Variants in TENM3 observed in about 807,000 individuals in gnomAD.
The protein encoded by TENM3 is teneurin transmembrane protein 3.
TENM3 carries 63 observed loss-of-function variants against 255.1 expected under a neutral mutation model. That is an observed-to-expected ratio of 0.25 (90% CI 0.20 to 0.30). The LOEUF (loss-of-function observed/expected upper bound fraction) is 0.30, where lower values mean the gene tolerates loss of function less well. Ranked by LOEUF, TENM3 falls within the 10% of genes least tolerant of loss-of-function variation. TENM3 has a pLI of 1.00. For synonymous variants in TENM3, 1,306 were observed against 1,322.3 expected (o/e 0.99, Z 0.27); for missense variants, 2,929 against 3,461.1 (o/e 0.85, Z 3.86).
the TENM3 span, among the ~76,000 whole-genome samples, chr4:181,834,280 ATGTT>A: frequency 1.3e-5 from 2 of 152,140 alleles, no homozygotes; most frequent in African/African-American, 4.8e-5. Context: ...ATTTTGTGTC[ATGTT>A]TGTTTGTTTT....
intron 6 of TENM3, among the ~76,000 whole-genome samples, chr4:182,657,743 T>C (rs935569376): frequency 6.6e-6 from 1 of 152,146 alleles, no homozygotes; most frequent in Admixed American, 6.5e-5. Context: ...ACTGCAGCCT[T>C]GACCTCCTGG....
At chr4:182,220,400 A>AAAAAAAAAAC in intron 1 of TENM3, among the ~76,000 whole-genome samples, 1 of 147,040 alleles carries the variant, frequency 6.8e-6, no homozygotes, top group Non-Finnish European at 1.5e-5. Context: ...AAAAAAAAAA[A>AAAAAAAAAAC]AAGTCGGCTT....
At chr4:181,461,193 G>A in the TENM3 span, among the ~76,000 whole-genome samples, 94,544 of 151,752 alleles carry the variant, frequency 0.62, 30,155 homozygotes, top group African/African-American at 0.73. Context: ...GGATAGAAAG[G>A]TCTTGCTTCT....
the TENM3 span, among the ~76,000 whole-genome samples, chr4:181,968,154 AC>A: frequency 6.6e-6 from 1 of 152,114 alleles, no homozygotes; most frequent in Non-Finnish European, 1.5e-5. Context: ...ATATTCAGCC[AC>A]TTCACTTGCC....
chr4:182,311,252 T>G (rs1220029012), intron 1 of TENM3, among the ~76,000 whole-genome samples: 1 of 152,258 alleles, frequency 6.6e-6, no homozygotes, highest in Non-Finnish European at 1.5e-5. Flanking sequence ...TACACCTTTC[T>G]TACTCCTGAG....
the TENM3 span, among the ~76,000 whole-genome samples, chr4:181,901,993 A>G: frequency 1.3e-5 from 2 of 152,152 alleles, no homozygotes; most frequent in Non-Finnish European, 2.9e-5. Context: ...AGCACATTAC[A>G]GGACTGGATA....
the TENM3 span, among the ~76,000 whole-genome samples, chr4:182,118,573 C>A: frequency 6.7e-6 from 1 of 148,274 alleles, no homozygotes; most frequent in Non-Finnish European, 1.5e-5. Flanking sequence ...GAGCCTGTAA[C>A]TGTGCCAGCT....
At chr4:182,290,481 G>T (rs564638772) in intron 1 of TENM3, among the ~76,000 whole-genome samples, 1 of 152,128 alleles carries the variant, frequency 6.6e-6, no homozygotes, top group Non-Finnish European at 1.5e-5. Context: ...ATGGCTTTAC[G>T]TCCCTAAAAA....
intron 1 of TENM3, among the ~76,000 whole-genome samples, chr4:182,164,763 G>A (rs1278987393): frequency 1.3e-5 from 2 of 152,082 alleles, no homozygotes; most frequent in Admixed American, 6.6e-5. Context: ...ATATTTATTG[G>A]TTGAATGAGC....
intron 5 of TENM3, among the ~76,000 whole-genome samples, chr4:182,651,456 C>G (rs533968750): frequency 6.6e-6 from 1 of 151,982 alleles, no homozygotes; most frequent in Admixed American, 6.6e-5. Flanking sequence ...TTTGGGAGGC[C>G]GAGGCATGCG....
At chr4:181,519,272 C>T in the TENM3 span, among the ~76,000 whole-genome samples, 5 of 152,116 alleles carry the variant, frequency 3.3e-5, no homozygotes, top group Non-Finnish European at 5.9e-5. Context: ...GTGTGGTGCT[C>T]TGTGTTTTAA....
At chr4:181,836,183 G>GCACACA in the TENM3 span, among the ~76,000 whole-genome samples, 19,945 of 148,516 alleles carry the variant, frequency 0.13, 1,808 homozygotes, top group East Asian at 0.5. Context: ...ATACACACAT[G>GCACACA]CACACACACA....
At chr4:181,791,338 A>G in the TENM3 span, among the ~76,000 whole-genome samples, 5 of 152,198 alleles carry the variant, frequency 3.3e-5, no homozygotes, top group African/African-American at 1.2e-4. Flanking sequence ...TAGACTTTAA[A>G]TCATGTTTGA....
intron 3 of TENM3, among the ~76,000 whole-genome samples, chr4:182,588,014 A>G (rs570801846): frequency 9.2e-5 from 14 of 152,238 alleles, no homozygotes; most frequent in East Asian, 1.9e-4. Context: ...TGTACTATCA[A>G]TCCCTTAAAT....
rs376960815 is a variant in TENM3, at chr4:182,673,151, A to G, written c.1258A>G (p.Ile420Val). Residue 420 changes from isoleucine to valine, a missense_variant, in exon 7 of 28, where the codon ATC becomes GTC. Transcript: ENST00000511685. ...IDQPQFLKFN[I>V]SLQKDALIGV... ...TCAGCCACAGTTTCTTAAATTCAAT[A>G]TCTCTCTTCAGAAGGATGCATTGAT... 3.7e-6 allele frequency: 6 copies of G among 1,613,856 alleles called. No homozygotes were observed. The highest frequency in any genetic ancestry group is 5.1e-6 in the Non-Finnish European group (6 of 1,179,788).
the TENM3 span, among the ~76,000 whole-genome samples, chr4:181,677,843 G>T: frequency 6.6e-6 from 1 of 152,026 alleles, no homozygotes; most frequent in Admixed American, 6.6e-5. Context: ...CCTTATTTCA[G>T]TTCCTTAAAT....
Position 182,763,649 on chromosome 4 carries a change from T to G in TENM3, c.4892+8390T>G, listed in dbSNP as rs545831887. Among the ~76,000 whole-genome samples, 4 of 152,290 alleles carry G rather than the reference T, an allele frequency of 2.6e-5. No homozygotes were observed. In the South Asian group the frequency reaches 8.3e-4, roughly 32 times the overall value. On this transcript the variant is annotated intron_variant, in intron 22 of 27. Transcript: ENST00000511685. ...AAGTACTCATTTATAGAGGATGATGTTTTTAAGCTAGGTCAGTTAGCGTTA... is the reference window on the plus strand; with the variant it reads ...AAGTACTCATTTATAGAGGATGATGGTTTTAAGCTAGGTCAGTTAGCGTTA...
chr4:182,731,987 T>C (rs971608324), intron 16 of TENM3, among the ~76,000 whole-genome samples: 6 of 152,010 alleles, frequency 3.9e-5, no homozygotes, highest in African/African-American at 1.4e-4. Context: ...TTCATCATGT[T>C]GGCCAGGATG....
chr4:181,521,821 G>A, the TENM3 span, among the ~76,000 whole-genome samples: 1 of 152,236 alleles, frequency 6.6e-6, no homozygotes, highest in East Asian at 1.9e-4. Context: ...TGTGGGCCGG[G>A]TGTGGTGGCT....
Sources: gnomAD v4.1 joint callset for allele counts (sites outside exome capture counted in the v4.1 genomes callset) on GRCh38, gnomAD v4.1.1 for gene constraint, MANE v1.5 for transcripts, NCBI Gene and HGNC (gene_info 2026-07-23, HGNC 2026-07-21) for gene names.